Variants in TMEM178A observed in about 807,000 individuals in gnomAD.
TMEM178A encodes the protein transmembrane protein 178.
TMEM178A carries 12 observed loss-of-function variants against 29.1 expected under a neutral mutation model. The observed-to-expected ratio is 0.41, with a 90% CI of 0.26 to 0.67. The LOEUF is 0.67. Among genes scored for constraint, TMEM178A ranks in the 30% least tolerant of loss-of-function variants. The pLI, the probability that TMEM178A is intolerant of heterozygous loss-of-function variation, is 0.29. For synonymous variants in TMEM178A, 210 were observed against 187.2 expected, an observed-to-expected ratio of 1.12 and a Z score of -0.99; for missense variants, 366 against 419.1, an observed-to-expected ratio of 0.87 and a Z score of 1.11.
At chr2:39,733,712 T>A in the TMEM178A span, among the ~76,000 whole-genome samples, 2 of 152,232 alleles carry the variant, frequency 1.3e-5, no homozygotes, top group Non-Finnish European at 2.9e-5. Flanking sequence ...TTGCAATGGT[T>A]TTCCCCAACC....
At chr2:39,702,552 T>C (rs1671829725) in intron 1 of TMEM178A, among the ~76,000 whole-genome samples, 1 of 152,070 alleles carries the variant, frequency 6.6e-6, no homozygotes, top group South Asian at 2.1e-4. Context: ...TACTATATTG[T>C]TTTCCCTTTG....
chr2:39,698,098 G>A (rs1408942782), intron 1 of TMEM178A: 8 of 152,180 alleles, frequency 5.3e-5, no homozygotes, highest in African/African-American at 1.4e-4. Flanking sequence ...TGGAAAGATT[G>A]TTTTTTATTT....
intron 1 of TMEM178A, among the ~76,000 whole-genome samples, chr2:39,689,718 G>A (rs1021655632): frequency 2.0e-5 from 3 of 152,184 alleles, no homozygotes; most frequent in Non-Finnish European, 4.4e-5. Context: ...TTAAGAAACA[G>A]TGATGTTAGC....
chr2:39,707,311 G>T, intron 3 of TMEM178A, 125 bp downstream of exon 3: 1 of 1,212,672 alleles, frequency 8.2e-7, no homozygotes, highest in Non-Finnish European at 1.1e-6. Flanking sequence ...GCAACCAGAA[G>T]GTCATTTTGG....
intron 3 of TMEM178A, among the ~76,000 whole-genome samples, chr2:39,715,456 A>G (rs1672495592): frequency 1.3e-5 from 2 of 152,160 alleles, no homozygotes; most frequent in South Asian, 4.1e-4. Flanking sequence ...AAGGTTTGAG[A>G]AAAGTGGAGT....
intron 1 of TMEM178A, among the ~76,000 whole-genome samples, chr2:39,690,865 T>C (rs1671285957): frequency 6.6e-6 from 1 of 152,132 alleles, no homozygotes; most frequent in Non-Finnish European, 1.5e-5. Flanking sequence ...CTGAACAAAA[T>C]GATAAGTTCA....
At chr2:39,685,616 G>A (rs886938778) in intron 1 of TMEM178A, among the ~76,000 whole-genome samples, 4 of 152,154 alleles carry the variant, frequency 2.6e-5, no homozygotes, top group Non-Finnish European at 4.4e-5. Flanking sequence ...AGTTAAGTTA[G>A]ATGTGACCAA....
chr2:39,690,031 G>A (rs928330220), intron 1 of TMEM178A, among the ~76,000 whole-genome samples: 9 of 152,186 alleles, frequency 5.9e-5, no homozygotes, highest in Non-Finnish European at 1.2e-4. Context: ...GAGCCTCACA[G>A]GACGTTGTCC....
intron 1 of TMEM178A, among the ~76,000 whole-genome samples, chr2:39,677,169 C>T (rs1670667585): frequency 6.6e-6 from 1 of 152,146 alleles, no homozygotes; most frequent in South Asian, 2.1e-4. Context: ...CATTCCCCCA[C>T]CCCTGGATGT....
chr2:39,718,877 T>C (rs542842044), downstream of TMEM178A, among the ~76,000 whole-genome samples: 111 of 152,382 alleles, frequency 7.3e-4, no homozygotes, highest in Non-Finnish European at 1.4e-3. Flanking sequence ...GAAGACGCCA[T>C]TCCAGAATAT....
chr2:39,720,929 T>C (rs1276451831), downstream of TMEM178A, among the ~76,000 whole-genome samples: 1 of 152,232 alleles, frequency 6.6e-6, no homozygotes, highest in African/African-American at 2.4e-5. Context: ...AAATGTGTTA[T>C]GAACTACTGT....
intron 3 of TMEM178A, among the ~76,000 whole-genome samples, chr2:39,714,970 C>T (rs531949276): frequency 1.3e-5 from 2 of 152,250 alleles, no homozygotes; most frequent in South Asian, 4.1e-4. Flanking sequence ...AAATTTGACA[C>T]TCTTAGGGAC....
At chr2:39,716,005 C>T (rs989956567) in intron 3 of TMEM178A, among the ~76,000 whole-genome samples, 1 of 152,094 alleles carries the variant, frequency 6.6e-6, no homozygotes, top group East Asian at 1.9e-4. Context: ...TACGTGTATC[C>T]CTAAGGATGC....
At chr2:39,688,370 A>G (rs760197370) in intron 1 of TMEM178A, among the ~76,000 whole-genome samples, 1 of 152,230 alleles carries the variant, frequency 6.6e-6, no homozygotes, top group Non-Finnish European at 1.5e-5. Context: ...TGGAGGAACT[A>G]GACACATGGG....
intron 1 of TMEM178A, among the ~76,000 whole-genome samples, chr2:39,681,213 T>G (rs10490330): frequency 0.019 from 2,933 of 152,254 alleles, 75 homozygotes; most frequent in African/African-American, 0.052. Context: ...CTACTCAACC[T>G]CTGATGCTTG....
At chr2:39,721,146 G>A (rs1410255536), downstream of TMEM178A, among the ~76,000 whole-genome samples, 2 of 152,202 alleles carry the variant, frequency 1.3e-5, no homozygotes. Flanking sequence ...TTTCTCTGGG[G>A]CCTTGCCCTT....
chr2:39,705,969 T>A (rs1310321098), intron 2 of TMEM178A, among the ~76,000 whole-genome samples: 1 of 152,198 alleles, frequency 6.6e-6, no homozygotes, highest in Non-Finnish European at 1.5e-5. Context: ...GAACAATTTT[T>A]AAAGTTAGTT....
Position 39,665,927 on chromosome 2 carries a change from T to G in TMEM178A, c.-48T>G. 1.5e-6 allele frequency: 2 copies of G among 1,341,132 alleles called. No individual in the cohort carries two copies. Among genetic ancestry groups the G allele is most frequent in the South Asian group, 3.9e-5 (2 of 51,006 alleles). The allele number at this position is 1,341,132 out of a possible 1,614,324, so 83.1% of individuals were successfully genotyped here. ...GAGCTGGGGCCAAGTGCATTGTGTC[T>G]GGCGGCGGCGCGCGAGCCCACCGGC... On this transcript the variant is annotated 5_prime_UTR_variant, in exon 1 of 4. Transcript: ENST00000281961.
intron 1 of TMEM178A, among the ~76,000 whole-genome samples, chr2:39,691,536 G>A (rs1287083253): frequency 1.3e-5 from 2 of 152,172 alleles, no homozygotes; most frequent in African/African-American, 4.8e-5. Flanking sequence ...CACTGCTAGT[G>A]GGAATATAAA....
Sources: allele counts gnomAD v4.1 joint callset (sites outside exome capture counted in the v4.1 genomes callset), GRCh38; gene constraint gnomAD v4.1.1; transcripts MANE v1.5; gene names NCBI Gene and HGNC (gene_info 2026-07-23, HGNC 2026-07-21).